The following BMPR1B variants were observed in gnomAD, a reference collection of about 807,000 sequenced individuals.
BMPR1B encodes bone morphogenetic protein receptor type-1B.
A neutral mutation model predicts 59.1 loss-of-function variants in BMPR1B; 12 were observed. The ratio of observed to expected loss-of-function variants is 0.20; its 90% confidence interval spans 0.13 to 0.33. The LOEUF (loss-of-function observed/expected upper bound fraction) is 0.33, where lower values mean the gene tolerates loss of function less well. Among genes scored for constraint, BMPR1B ranks in the 10% least tolerant of loss-of-function variants. The pLI is 1.00. For synonymous variants in BMPR1B, 237 were observed against 207.3 expected, an observed-to-expected ratio of 1.14 and a Z score of -1.23; for missense variants, 550 against 610.9, an observed-to-expected ratio of 0.90 and a Z score of 1.05.
At chr4:94,954,465 T>G (rs1370268852) in intron 2 of BMPR1B, among the ~76,000 whole-genome samples, 1 of 152,354 alleles carries the variant, frequency 6.6e-6, no homozygotes, top group Non-Finnish European at 1.5e-5. Flanking sequence ...CTGCTCAGAT[T>G]GTGCAATGCA....
intron 10 of BMPR1B, among the ~76,000 whole-genome samples, chr4:95,135,146 A>G (rs2149307046): frequency 6.6e-6 from 1 of 152,234 alleles, no homozygotes; most frequent in Middle Eastern, 3.4e-3. Context: ...TGTTTTTCTC[A>G]GGTTTGTCAA....
intron 3 of BMPR1B, among the ~76,000 whole-genome samples, chr4:95,051,028 T>TATAGTC (rs1319667977): frequency 6.6e-6 from 1 of 152,224 alleles, no homozygotes; most frequent in Non-Finnish European, 1.5e-5. Context: ...CTCTTAAAAC[T>TATAGTC]ATAGTCATAA....
chr4:94,794,428 A>G (rs1453806981), intron 1 of BMPR1B, among the ~76,000 whole-genome samples: 1 of 149,726 alleles, frequency 6.7e-6, no homozygotes, highest in Non-Finnish European at 1.5e-5. Flanking sequence ...GTAGCCTTGT[A>G]GTATAGTTTG....
At chr4:94,898,138 A>G (rs1424077078) in intron 2 of BMPR1B, among the ~76,000 whole-genome samples, 1 of 151,134 alleles carries the variant, frequency 6.6e-6, no homozygotes, top group Non-Finnish European at 1.5e-5. Context: ...TTTTCTAGAG[A>G]TGGGAGTCTC....
At chr4:94,807,932 C>A (rs1271372174) in intron 1 of BMPR1B, among the ~76,000 whole-genome samples, 3 of 152,166 alleles carry the variant, frequency 2.0e-5, no homozygotes, top group Non-Finnish European at 4.4e-5. Flanking sequence ...AAGTGATCCA[C>A]CTGCCTGGAC....
At chr4:94,979,859 C>T (rs771056938) in intron 2 of BMPR1B, among the ~76,000 whole-genome samples, 2 of 152,144 alleles carry the variant, frequency 1.3e-5, no homozygotes, top group Admixed American at 1.3e-4. Flanking sequence ...TGGACTGTTT[C>T]GGATGTTTAG....
At chr4:95,136,152 T>A (rs1733765330) in intron 10 of BMPR1B, among the ~76,000 whole-genome samples, 1 of 152,152 alleles carries the variant, frequency 6.6e-6, no homozygotes, top group South Asian at 2.1e-4. Context: ...AGGCAATAAT[T>A]AATAGCCTAC....
At chr4:94,995,261 A>G (rs1721987249) in intron 2 of BMPR1B, among the ~76,000 whole-genome samples, 1 of 152,148 alleles carries the variant, frequency 6.6e-6, no homozygotes, top group African/African-American at 2.4e-5. Flanking sequence ...TTTAAACTGT[A>G]AATATTGTGT....
At chr4:95,146,066 A>T (rs1002916146) in intron 10 of BMPR1B, among the ~76,000 whole-genome samples, 9 of 152,186 alleles carry the variant, frequency 5.9e-5, no homozygotes, top group Non-Finnish European at 2.9e-5. Context: ...CTCTTTGGGG[A>T]TATACCAAAT....
At chr4:95,070,307 G>T (rs892768850) in intron 3 of BMPR1B, among the ~76,000 whole-genome samples, 4 of 152,242 alleles carry the variant, frequency 2.6e-5, no homozygotes, top group Middle Eastern at 6.8e-3. Flanking sequence ...GAAAAATATG[G>T]AAGATTAAAA....
chr4:95,028,966 ATTATTTGT>A, intron 3 of BMPR1B, among the ~76,000 whole-genome samples: 1 of 152,148 alleles, frequency 6.6e-6, no homozygotes, highest in East Asian at 1.9e-4. Context: ...TCAACAAGTA[ATTATTTGT>A]TAGAGGTAAA....
At chr4:95,049,419 GTTTTTTTTTTTTTTTTTTTTTTTTTTT>G (rs761496965) in intron 3 of BMPR1B, among the ~76,000 whole-genome samples, 5 of 77,404 alleles carry the variant, frequency 6.5e-5, no homozygotes, top group Admixed American at 1.9e-4. Context: ...CAGCATAAAA[GTTTTTTTTTTTTTTTTTTTTTTTTTTT>G]TTTTTTTTTT....
At chr4:94,986,344 A>G (rs531125674) in intron 2 of BMPR1B, among the ~76,000 whole-genome samples, 1 of 152,322 alleles carries the variant, frequency 6.6e-6, no homozygotes, top group East Asian at 1.9e-4. Flanking sequence ...GATGGAAAAC[A>G]AAACAAAACA....
chr4:94,918,994 T>C (rs942933465), intron 2 of BMPR1B, among the ~76,000 whole-genome samples: 1 of 152,168 alleles, frequency 6.6e-6, no homozygotes, highest in African/African-American at 2.4e-5. Flanking sequence ...GGGTTCTTCC[T>C]AGTCATTTGG....
intron 2 of BMPR1B, among the ~76,000 whole-genome samples, chr4:94,928,655 G>C (rs374859669): frequency 1.3e-4 from 20 of 150,698 alleles, no homozygotes; most frequent in African/African-American, 4.9e-4. Flanking sequence ...TGAATAAACA[G>C]ATGGCTGGCA....
chr4:94,949,784 A>G (rs1268883500), intron 2 of BMPR1B, among the ~76,000 whole-genome samples: 3 of 152,224 alleles, frequency 2.0e-5, no homozygotes, highest in Non-Finnish European at 4.4e-5. Context: ...AGAATGATGT[A>G]TAATCCTTTG....
In BMPR1B at chr4:94,779,603, A is replaced by G. The variant is rs559835939; in HGVS notation, c.-183+21535A>G. 8.0e-4 allele frequency among the ~76,000 whole-genome samples: 122 copies of G among 152,220 alleles called. 1 individual carries two copies. The Middle Eastern group carries it at 0.014, about 17-fold the overall frequency. On this transcript the variant is annotated intron_variant, in intron 1 of 12. Coordinates refer to ENST00000515059, the MANE Select transcript of BMPR1B (RefSeq NM_001203.3). ...CCCAGCACTTTGGGAGGCAAAGGCC[A>G]GTGGATCACCTGAGATAAGGAGTTC...
intron 3 of BMPR1B, among the ~76,000 whole-genome samples, chr4:95,095,060 A>AT: frequency 1.3e-5 from 2 of 151,508 alleles, no homozygotes; most frequent in Admixed American, 6.6e-5. Flanking sequence ...TTTTTCCTAA[A>AT]TTTTTTGCTG....
chr4:95,130,129 A>G, intron 9 of BMPR1B, 75 bp downstream of exon 9: 1 of 1,534,938 alleles, frequency 6.5e-7, no homozygotes, highest in Non-Finnish European at 9.0e-7. Flanking sequence ...TCTGCATGTT[A>G]ACTCATCTGT....
Sources: allele counts gnomAD v4.1 joint callset (sites outside exome capture counted in the v4.1 genomes callset), GRCh38; gene constraint gnomAD v4.1.1; transcripts MANE v1.5; gene names NCBI Gene and HGNC (gene_info 2026-07-23, HGNC 2026-07-21).